Variants in KLHL29 observed in about 807,000 individuals in gnomAD.
KLHL29 encodes the protein kelch like family member 29, also known as kelch-like protein 29.
KLHL29 carries 21 observed loss-of-function variants against 80.4 expected under a neutral mutation model. That is an observed-to-expected ratio of 0.26 (90% CI 0.19 to 0.38). KLHL29 has a LOEUF of 0.38. Among genes scored for constraint, KLHL29 ranks in the 10% least tolerant of loss-of-function variants. KLHL29 has a pLI of 1.00. For synonymous variants in KLHL29, 511 were observed against 526.8 expected, an observed-to-expected ratio of 0.97 and a Z score of 0.41; for missense variants, 867 against 1,223.9, an observed-to-expected ratio of 0.71 and a Z score of 4.35.
At chr2:23,392,848 CATTT>C (rs1367670341) in intron 1 of KLHL29, among the ~76,000 whole-genome samples, 1 of 152,192 alleles carries the variant, frequency 6.6e-6, no homozygotes, top group Admixed American at 6.5e-5. Flanking sequence ...TACTAATTAA[CATTT>C]TATGTAAAAT....
chr2:23,642,230 GTCT>G, intron 4 of KLHL29, 105 bp from the exon 5 acceptor site: 1 of 1,053,078 alleles, frequency 9.5e-7, no homozygotes, highest in Non-Finnish European at 1.3e-6. Context: ...GGACGCAGGT[GTCT>G]CGTTCCCCTC....
intron 2 of KLHL29, among the ~76,000 whole-genome samples, chr2:23,519,718 G>T (rs1211941097): frequency 6.6e-6 from 1 of 152,214 alleles, no homozygotes; most frequent in Non-Finnish European, 1.5e-5. Flanking sequence ...ATCCATTTTA[G>T]GGAGACATGA....
At chr2:23,471,111 T>C (rs1664485532) in intron 1 of KLHL29, among the ~76,000 whole-genome samples, 1 of 152,170 alleles carries the variant, frequency 6.6e-6, no homozygotes. Flanking sequence ...CTCCCTACAG[T>C]TTACAGCCTC....
chr2:23,670,258 G>A (rs1290362548), intron 5 of KLHL29: 2 of 152,314 alleles, frequency 1.3e-5, no homozygotes, highest in East Asian at 1.9e-4. Context: ...GATTGGCCTG[G>A]GACGCAGGGA....
At position 23,468,543 on chromosome 2, in the gene KLHL29, G is replaced by A. The variant is rs550502910; in HGVS notation, c.-153-7017G>A. Among the ~76,000 whole-genome samples, 28 of 152,222 alleles carry A rather than the reference G, an allele frequency of 1.8e-4. No homozygotes were observed. In the Middle Eastern group the frequency reaches 0.017, roughly 92 times the overall value. On this transcript the variant is annotated intron_variant, in intron 1 of 13. Transcript: ENST00000486442. Reference sequence around the variant, plus strand: ...AAGGGGTGGGGCTTCAAGAGACACCGCCCCCCTCCCCGCCGAGCATCAGCA... The same window carrying A: ...AAGGGGTGGGGCTTCAAGAGACACCACCCCCCTCCCCGCCGAGCATCAGCA...
intron 5 of KLHL29, among the ~76,000 whole-genome samples, chr2:23,661,342 A>AG (rs1670401350): frequency 6.7e-6 from 1 of 149,942 alleles, no homozygotes; most frequent in South Asian, 2.1e-4. Flanking sequence ...ACCCTGTCTA[A>AG]AAAAAAAAAA....
chr2:23,453,222 C>T (rs1663941463), intron 1 of KLHL29, among the ~76,000 whole-genome samples: 1 of 152,128 alleles, frequency 6.6e-6, no homozygotes, highest in Admixed American at 6.5e-5. Context: ...GGCAAACACT[C>T]CCTGGCCCCA....
At chr2:23,592,834 G>T (rs538758221) in intron 3 of KLHL29, among the ~76,000 whole-genome samples, 2 of 152,174 alleles carry the variant, frequency 1.3e-5, no homozygotes, top group Non-Finnish European at 2.9e-5. Context: ...GTGACCTTCT[G>T]CAGGTAAGCT....
intron 2 of KLHL29, among the ~76,000 whole-genome samples, chr2:23,525,217 G>T (rs1349814670): frequency 2.0e-5 from 3 of 152,240 alleles, no homozygotes; most frequent in African/African-American, 7.2e-5. Context: ...TGAGAATACA[G>T]GCTAAGGCCA....
intron 2 of KLHL29, chr2:23,532,438 C>T (rs1666520090): frequency 2.5e-6 from 1 of 396,790 alleles, no homozygotes; most frequent in Admixed American, 2.8e-5. Flanking sequence ...AATGGGGAGC[C>T]CACGCACCCT....
At chr2:23,553,487 C>T (rs555219065) in intron 2 of KLHL29, among the ~76,000 whole-genome samples, 1 of 152,338 alleles carries the variant, frequency 6.6e-6, no homozygotes, top group South Asian at 2.1e-4. Context: ...GCCTTGGGTC[C>T]AGGCTGGCAC....
intron 2 of KLHL29, among the ~76,000 whole-genome samples, chr2:23,530,301 T>C (rs1666453725): frequency 6.6e-6 from 1 of 152,214 alleles, no homozygotes; most frequent in Non-Finnish European, 1.5e-5. Context: ...CTCCCACGGC[T>C]TGTCCTCCCA....
rs928437026 is a variant in KLHL29 at position 23,680,634 on chromosome 2, A to C, written c.941-3765A>C. Reference sequence around the variant, plus strand: ...GGGAGGGTCATGGGCTCTCTAGGCCATCTTCTCCTGGGGTCTCTAGGCCAT... The same window carrying C: ...GGGAGGGTCATGGGCTCTCTAGGCCCTCTTCTCCTGGGGTCTCTAGGCCAT... On this transcript the variant is annotated intron_variant, in intron 5 of 13. Transcript: ENST00000486442. The surrounding 1 kb of genome is among the most constrained non-coding windows in gnomAD (Gnocchi z 4.1). Among the ~76,000 whole-genome samples, 1 of 151,892 alleles carries C rather than the reference A, an allele frequency of 6.6e-6. No individual in the cohort carries two copies. Among genetic ancestry groups the C allele is most frequent in the Admixed American group, 6.5e-5 (1 of 15,268 alleles).
At chr2:23,699,229 G>A (rs562941196) in intron 11 of KLHL29, among the ~76,000 whole-genome samples, 1 of 152,300 alleles carries the variant, frequency 6.6e-6, no homozygotes, top group South Asian at 2.1e-4. Context: ...TATGACTGGT[G>A]TCCCAAGGAG....
chr2:23,627,337 G>A (rs574465548), intron 3 of KLHL29, among the ~76,000 whole-genome samples: 1 of 152,340 alleles, frequency 6.6e-6, no homozygotes, highest in East Asian at 1.9e-4. Flanking sequence ...CTGGCCACAC[G>A]TGGCTCTCAT....
intron 3 of KLHL29, among the ~76,000 whole-genome samples, chr2:23,571,310 A>C (rs1430065106): frequency 6.6e-6 from 1 of 152,264 alleles, no homozygotes; most frequent in Non-Finnish European, 1.5e-5. Context: ...TGATTGTGCC[A>C]GCTGCAGGCA....
intron 1 of KLHL29, among the ~76,000 whole-genome samples, chr2:23,460,095 G>A (rs1664168575): frequency 6.6e-6 from 1 of 152,194 alleles, no homozygotes; most frequent in Non-Finnish European, 1.5e-5. Context: ...AGCAAACTGT[G>A]TATCTCATTC....
At chr2:23,417,879 C>T (rs1662632542) in intron 1 of KLHL29, among the ~76,000 whole-genome samples, 1 of 152,118 alleles carries the variant, frequency 6.6e-6, no homozygotes, top group Non-Finnish European at 1.5e-5. Flanking sequence ...GAGGCTGTGT[C>T]CAGTGTGGTC....
At position 23,660,052 on chromosome 2, in the gene KLHL29, G is replaced by A. The variant is rs1171527724; in HGVS notation, c.940+17202G>A. On this transcript the variant is annotated intron_variant, in intron 5 of 13. Coordinates refer to ENST00000486442, the MANE Select transcript of KLHL29 (RefSeq NM_052920.2). Reference sequence around the variant, plus strand: ...CCACCCCTATCTAGACCTATCTTTAGCCTGTTCCTCCTCCAGAAAACTTCC... The same window carrying A: ...CCACCCCTATCTAGACCTATCTTTAACCTGTTCCTCCTCCAGAAAACTTCC... 2.6e-5 allele frequency among the ~76,000 whole-genome samples: 4 copies of A among 152,038 alleles called. No individual in the cohort carries two copies. In the East Asian group the frequency reaches 5.8e-4, roughly 22 times the overall value.
Sources: allele counts gnomAD v4.1 joint callset (sites outside exome capture counted in the v4.1 genomes callset), GRCh38; gene constraint gnomAD v4.1.1; non-coding constraint Gnocchi (gnomAD v3.1); transcripts MANE v1.5; gene names NCBI Gene and HGNC (gene_info 2026-07-23, HGNC 2026-07-21).